Variants in STXBP5L observed in about 807,000 individuals in gnomAD.
STXBP5L encodes syntaxin-binding protein 5-like.
A neutral mutation model predicts 144.5 loss-of-function variants in STXBP5L; 65 were observed. That is an observed-to-expected ratio of 0.45 (90% CI 0.37 to 0.55). The LOEUF (loss-of-function observed/expected upper bound fraction) is 0.55, where lower values mean the gene tolerates loss of function less well. Among genes scored for constraint, STXBP5L ranks in the 20% least tolerant of loss-of-function variants. STXBP5L has a pLI of 0.00. For synonymous variants in STXBP5L, 505 were observed against 469.6 expected (o/e 1.08, Z -0.97); for missense variants, 1,298 against 1,405.5 (o/e 0.92, Z 1.22).
intron 15 of STXBP5L, among the ~76,000 whole-genome samples, chr3:121,254,302 T>G (rs1412475878): frequency 1.3e-5 from 2 of 150,618 alleles, no homozygotes; most frequent in Non-Finnish European, 3.0e-5. Context: ...AAACACAATG[T>G]ATGAGATTAT....
chr3:121,134,767 AGT>A (rs201757506), intron 7 of STXBP5L, among the ~76,000 whole-genome samples: 19,866 of 152,112 alleles, frequency 0.13, 1,609 homozygotes, highest in Non-Finnish European at 0.19. Context: ...AGTATTCCAT[AGT>A]GTATATGTGC....
At chr3:121,360,705 CTTT>C (rs1365188689) in intron 20 of STXBP5L, among the ~76,000 whole-genome samples, 1 of 152,034 alleles carries the variant, frequency 6.6e-6, no homozygotes, top group African/African-American at 2.4e-5. Context: ...TGTCCTCCTG[CTTT>C]TTAACTTTTT....
At chr3:121,167,050 C>A (rs1017951707) in intron 9 of STXBP5L, among the ~76,000 whole-genome samples, 7 of 152,028 alleles carry the variant, frequency 4.6e-5, no homozygotes, top group African/African-American at 1.4e-4. Context: ...TTTGAGGATA[C>A]CATTTCTGAA....
chr3:120,950,841 C>G (rs958472353), intron 2 of STXBP5L, among the ~76,000 whole-genome samples: 1 of 151,796 alleles, frequency 6.6e-6, no homozygotes, highest in Non-Finnish European at 1.5e-5. Flanking sequence ...GAGCCAGCAT[C>G]GCCAAGTCAA....
intron 18 of STXBP5L, among the ~76,000 whole-genome samples, chr3:121,277,962 A>C (rs1277971750): frequency 6.6e-6 from 1 of 152,038 alleles, no homozygotes; most frequent in South Asian, 2.1e-4. Flanking sequence ...TAGCTTCTGC[A>C]CATGGATGCA....
rs1945627948 is a variant in STXBP5L at position 121,022,458 on chromosome 3, A to G, written c.288-19242A>G. 2.0e-5 allele frequency among the ~76,000 whole-genome samples: 3 copies of G among 152,284 alleles called. No individual in the cohort carries two copies. In the South Asian group the frequency reaches 6.2e-4, roughly 32 times the overall value. On this transcript the variant is annotated intron_variant, in intron 3 of 26. Transcript: ENST00000471454. ...AAAACCAAGAAAGGACCTTAAATAA[A>G]AAGTAAACTATAGACTAATATCCCT...
intron 20 of STXBP5L, among the ~76,000 whole-genome samples, chr3:121,341,754 G>A (rs1386108951): frequency 2.0e-5 from 3 of 152,052 alleles, no homozygotes; most frequent in Non-Finnish European, 4.4e-5. Flanking sequence ...AGTGAAATAA[G>A]CCAGACACAG....
chr3:121,118,223 G>A (rs2044312941), intron 6 of STXBP5L, among the ~76,000 whole-genome samples: 1 of 151,592 alleles, frequency 6.6e-6, no homozygotes, highest in South Asian at 2.1e-4. Context: ...CAATATACTG[G>A]TAATATAATA....
intron 9 of STXBP5L, among the ~76,000 whole-genome samples, chr3:121,188,023 C>T (rs2047473690): frequency 6.6e-6 from 1 of 152,054 alleles, no homozygotes; most frequent in Non-Finnish European, 1.5e-5. Flanking sequence ...CAGGAGCACC[C>T]GGATTCATAA....
intron 5 of STXBP5L, among the ~76,000 whole-genome samples, chr3:121,108,258 G>GA (rs1185389939): frequency 3.9e-5 from 6 of 152,160 alleles, no homozygotes; most frequent in Admixed American, 2.0e-4. Flanking sequence ...TGTTGAATAG[G>GA]AGTGGTGAGA....
rs938012049 is a variant in STXBP5L at position 121,260,271 on chromosome 3, C to T, written c.1958+1103C>T. Among the ~76,000 whole-genome samples, 13 of 152,074 alleles carry T rather than the reference C, an allele frequency of 8.5e-5. 1 individual carries two copies. Among genetic ancestry groups the T allele is most frequent in the Admixed American group, 8.5e-4 (13 of 15,270 alleles). On this transcript the variant is annotated intron_variant, in intron 18 of 26. Transcript: ENST00000471454. ...GTCCATTTGTCTGTAAAGTTGTTGG[C>T]CTTCATAGAGATTTGTGAAAACTGT...
intron 20 of STXBP5L, among the ~76,000 whole-genome samples, chr3:121,366,959 A>G (rs562035109): frequency 2.4e-4 from 37 of 152,292 alleles, no homozygotes; most frequent in Non-Finnish European, 4.3e-4. Context: ...TTAATATCCT[A>G]AAGTTATAAC....
intron 5 of STXBP5L, among the ~76,000 whole-genome samples, chr3:121,074,864 A>G (rs570373866): frequency 6.6e-6 from 1 of 152,320 alleles, no homozygotes; most frequent in South Asian, 2.1e-4. Flanking sequence ...TTCATGTTGA[A>G]CCTGCTGTCC....
intron 3 of STXBP5L, among the ~76,000 whole-genome samples, chr3:120,982,548 C>G (rs745823528): frequency 1.3e-5 from 2 of 152,182 alleles, no homozygotes; most frequent in Admixed American, 6.5e-5. Flanking sequence ...TTGTCTACCT[C>G]CAGGCCACAG....
chr3:121,056,935 G>T (rs967846950), intron 5 of STXBP5L, among the ~76,000 whole-genome samples: 1 of 150,024 alleles, frequency 6.7e-6, no homozygotes, highest in Non-Finnish European at 1.5e-5. Context: ...AATTAGCAAG[G>T]TCTTTATAAT....
chr3:121,313,754 C>T (rs1164272959), intron 19 of STXBP5L, among the ~76,000 whole-genome samples: 2 of 135,174 alleles, frequency 1.5e-5, no homozygotes, highest in South Asian at 2.7e-4. Context: ...CCACCTCCCT[C>T]CCGGACGGGG....
rs751281786 is a variant in STXBP5L at position 121,205,957 on chromosome 3, T to C, written c.912T>C (p.Ser304=). 20 of 1,520,604 alleles carry C rather than the reference T, an allele frequency of 1.3e-5. No homozygotes were observed. The highest frequency in any genetic ancestry group is 1.8e-5 in the Non-Finnish European group (20 of 1,139,782). The allele number at this position is 1,520,604 out of a possible 1,614,324, so 94.2% of individuals were successfully genotyped here. Residue 304 remains serine, a synonymous_variant, in exon 10 of 27, where the codon TCT becomes TCC. Transcript: ENST00000471454. ...KSQREGRKSE[S]CKPILKVEYK... is the part of the protein sequence containing the mutation. Reference sequence around the variant, plus strand: ...AAAGAGAAGGAAGAAAATCTGAATCTTGTAAACCAATTCTTAAAGTAGAAT... The same window carrying C: ...AAAGAGAAGGAAGAAAATCTGAATCCTGTAAACCAATTCTTAAAGTAGAAT...
At chr3:121,029,289 G>T (rs1576708634) in intron 3 of STXBP5L, among the ~76,000 whole-genome samples, 1 of 152,016 alleles carries the variant, frequency 6.6e-6, no homozygotes, top group African/African-American at 2.4e-5. Context: ...ATACTACAAG[G>T]CTTACAGTAA....
intron 5 of STXBP5L, among the ~76,000 whole-genome samples, chr3:121,086,247 A>G (rs1038418373): frequency 1.3e-5 from 2 of 152,082 alleles, no homozygotes; most frequent in African/African-American, 4.8e-5. Context: ...ATATCTGACA[A>G]ATGTTTATAT....
Sources: gnomAD v4.1 joint callset for allele counts (sites outside exome capture counted in the v4.1 genomes callset) on GRCh38, gnomAD v4.1.1 for gene constraint, MANE v1.5 for transcripts, NCBI Gene and HGNC (gene_info 2026-07-23, HGNC 2026-07-21) for gene names.